LRBA: variants seen among roughly 807,000 people sequenced by gnomAD.
LRBA encodes the protein LPS responsive beige-like anchor protein, also known as lipopolysaccharide-responsive and beige-like anchor protein.
LRBA carries 176 observed loss-of-function variants against 330.0 expected under a neutral mutation model. The observed-to-expected ratio is 0.53, with a 90% CI of 0.47 to 0.60. The LOEUF is 0.60. LRBA is among the 20% of genes least tolerant of loss of function. The pLI is 0.00. For synonymous variants in LRBA, 1,230 were observed against 1,193.0 expected, an observed-to-expected ratio of 1.03 and a Z score of -0.64; for missense variants, 3,259 against 3,444.8, an observed-to-expected ratio of 0.95 and a Z score of 1.35.
chr4:150,336,027 A>G (rs1367226220), intron 48 of LRBA, among the ~76,000 whole-genome samples: 1 of 152,204 alleles, frequency 6.6e-6, no homozygotes, highest in Non-Finnish European at 1.5e-5. Context: ...ATGAAGTTTA[A>G]TTTATCCATT....
intron 33 of LRBA, among the ~76,000 whole-genome samples, chr4:150,802,004 TATAAATAA>T (rs10582625): frequency 0.012 from 1,579 of 132,042 alleles, 10 homozygotes; most frequent in East Asian, 0.028. Flanking sequence ...AACCCATCTC[TATAAATAA>T]ATAAATAAAT....
In LRBA at chr4:150,735,476, T is replaced by A. The variant is rs1157506054; in HGVS notation, c.5646-110A>T. 4.1e-6 allele frequency: 3 copies of A among 733,850 alleles called. No homozygotes were observed. The African/African-American group carries it at 5.2e-5, about 13-fold the overall frequency. The allele number at this position is 733,850 out of a possible 1,614,324, so 45.5% of individuals were successfully genotyped here. A position where few individuals can be genotyped will look rare whatever the true frequency, so the allele number is the denominator to read the frequency against. ...GAATACTTACTTTCTTCTTTTGACA[T>A]CATACACAATGAGGTACCATTATTT... On this transcript the variant is annotated intron_variant, in intron 35 of 56. Transcript: ENST00000651943.
intron 48 of LRBA, among the ~76,000 whole-genome samples, chr4:150,331,618 T>G (rs1400414704): frequency 6.6e-6 from 1 of 151,980 alleles, no homozygotes; most frequent in African/African-American, 2.4e-5. Context: ...AAACAATTTA[T>G]TTTTTTTAAC....
At chr4:151,006,506 G>C (rs1744092393) in intron 2 of LRBA, among the ~76,000 whole-genome samples, 1 of 151,890 alleles carries the variant, frequency 6.6e-6, no homozygotes, top group African/African-American at 2.4e-5. Context: ...ATCTATATAA[G>C]TATTATAAAA....
intron 47 of LRBA, among the ~76,000 whole-genome samples, chr4:150,405,568 TCTTAA>T (rs1479998948): frequency 1.3e-5 from 2 of 152,154 alleles, no homozygotes; most frequent in African/African-American, 2.4e-5. Flanking sequence ...TTTTTTCTCC[TCTTAA>T]CTTCTTTAGG....
At chr4:150,349,291 C>T (rs1736823151) in intron 48 of LRBA, among the ~76,000 whole-genome samples, 1 of 152,056 alleles carries the variant, frequency 6.6e-6, no homozygotes, top group Non-Finnish European at 1.5e-5. Context: ...AATCAAAGCT[C>T]CTGGTTTCCT....
chr4:150,588,006 C>A, intron 40 of LRBA, 42 bp downstream of exon 40: 1 of 1,594,296 alleles, frequency 6.3e-7, no homozygotes. Flanking sequence ...CAGCACCCAC[C>A]ATCCCATCAT....
At chr4:150,661,565 G>C in intron 37 of LRBA, among the ~76,000 whole-genome samples, 1 of 151,538 alleles carries the variant, frequency 6.6e-6, no homozygotes, top group East Asian at 1.9e-4. Flanking sequence ...AATTCTACAG[G>C]ATAAATAATC....
At chr4:150,937,532 T>C (rs1006886312) in intron 2 of LRBA, among the ~76,000 whole-genome samples, 7 of 152,172 alleles carry the variant, frequency 4.6e-5, no homozygotes, top group Non-Finnish European at 7.4e-5. Context: ...TTTTGAATAA[T>C]GTAGCATGGA....
chr4:150,406,024 T>C (rs1045527358), intron 47 of LRBA, among the ~76,000 whole-genome samples: 1 of 152,082 alleles, frequency 6.6e-6, no homozygotes, highest in Non-Finnish European at 1.5e-5. Context: ...CACTACACTC[T>C]AGCCTGGGTG....
At chr4:150,354,971 T>C (rs1737646483) in intron 47 of LRBA, among the ~76,000 whole-genome samples, 1 of 151,986 alleles carries the variant, frequency 6.6e-6, no homozygotes, top group Non-Finnish European at 1.5e-5. Context: ...TGTGTCTGTG[T>C]GCATGTTTAG....
intron 41 of LRBA, among the ~76,000 whole-genome samples, chr4:150,490,221 A>T (rs1330096221): frequency 2.0e-5 from 3 of 151,822 alleles, no homozygotes; most frequent in Non-Finnish European, 4.4e-5. Flanking sequence ...GAATATAGGC[A>T]GTTATGTGTA....
At chr4:150,655,495 T>C (rs1028460252) in intron 37 of LRBA, among the ~76,000 whole-genome samples, 6 of 152,190 alleles carry the variant, frequency 3.9e-5, no homozygotes, top group African/African-American at 1.4e-4. Flanking sequence ...GGTGAAGGAA[T>C]AAATAAGTGC....
chr4:150,569,347 A>G (rs1769550660), intron 40 of LRBA, among the ~76,000 whole-genome samples: 2 of 152,292 alleles, frequency 1.3e-5, no homozygotes, highest in South Asian at 2.1e-4. Flanking sequence ...AAATATATGA[A>G]ACAAGGAAAA....
At chr4:150,501,955 A>G (rs938828212) in intron 40 of LRBA, among the ~76,000 whole-genome samples, 2 of 152,214 alleles carry the variant, frequency 1.3e-5, no homozygotes, top group African/African-American at 4.8e-5. Context: ...CCCAGAGGAA[A>G]ATAGAGAAAC....
chr4:150,694,883 CTT>C (rs1469266911), intron 36 of LRBA, among the ~76,000 whole-genome samples: 1 of 152,006 alleles, frequency 6.6e-6, no homozygotes. Context: ...TTGCTTCACA[CTT>C]TTGGTAATAA....
At chr4:150,392,376 A>G (rs1744103383) in intron 47 of LRBA, among the ~76,000 whole-genome samples, 1 of 152,092 alleles carries the variant, frequency 6.6e-6, no homozygotes, top group Non-Finnish European at 1.5e-5. Context: ...GTCCAGGGGG[A>G]AAGAGAGAGC....
intron 20 of LRBA, among the ~76,000 whole-genome samples, chr4:150,869,768 C>G (rs1434883634): frequency 6.6e-6 from 1 of 151,878 alleles, no homozygotes; most frequent in African/African-American, 2.4e-5. Flanking sequence ...AAAATATGCA[C>G]TTAGACCAGG....
At chr4:150,762,607 CGTGAATGCCACTT>C (rs1475710981) in intron 34 of LRBA, among the ~76,000 whole-genome samples, 1 of 151,624 alleles carries the variant, frequency 6.6e-6, no homozygotes, top group Non-Finnish European at 1.5e-5. Context: ...GAAAAATGCT[CGTGAATGCCACTT>C]GTGTGTATGT....
Sources: gnomAD v4.1 joint callset for allele counts (sites outside exome capture counted in the v4.1 genomes callset) on GRCh38, gnomAD v4.1.1 for gene constraint, MANE v1.5 for transcripts, NCBI Gene and HGNC (gene_info 2026-07-23, HGNC 2026-07-21) for gene names.